Variants in TUBGCP2 observed in about 807,000 individuals in gnomAD.
TUBGCP2 encodes the protein gamma-tubulin complex component 2.
TUBGCP2 carries 55 observed loss-of-function variants against 92.2 expected under a neutral mutation model. That is an observed-to-expected ratio of 0.60 (90% CI 0.48 to 0.75). The LOEUF is 0.75. Among genes scored for constraint, TUBGCP2 ranks in the 30% least tolerant of loss-of-function variants. The pLI is 0.00. For synonymous variants in TUBGCP2, 533 were observed against 505.2 expected (o/e 1.06, Z -0.74); for missense variants, 1,093 against 1,188.9 (o/e 0.92, Z 1.19).
Position 133,285,210 on chromosome 10 carries a change from T to G in TUBGCP2, c.1899A>C (p.Lys633Asn). The G allele has an allele frequency of 6.2e-7, 1 of 1,612,278 alleles. No homozygotes were observed. Among genetic ancestry groups the G allele is most frequent in the Non-Finnish European group, 8.5e-7 (1 of 1,179,988 alleles). Residue 633 changes from lysine to asparagine, a missense_variant, in exon 13 of 18, where the codon AAA becomes AAC. Lys to Asn is a moderately conservative substitution (Grantham distance 94). Around this residue, in one of 3 missense-constraint regions of TUBGCP2, gnomAD observed 598 missense variants for 675.5 expected, o/e 0.89. Transcript: ENST00000252936. The surrounding 1 kb of genome is among the most constrained non-coding windows in gnomAD (Gnocchi z 6.8). ...KWPLSLIINR[K>N]ALTRYQMLFR... is the part of the protein sequence containing the mutation. ...AGAGCATCTGGTAGCGAGTGAGGGC[T>G]TTCCTGCAAGAGACGTGGCGGCACC...
At chr10:133,290,081 C>A in intron 8 of TUBGCP2, 112 bp from the exon 9 acceptor site, 1 of 1,420,612 alleles carries the variant, frequency 7.0e-7, no homozygotes, top group South Asian at 1.3e-5. Flanking sequence ...AGCACACTTC[C>A]AAGTAACGTT....
intron 11 of TUBGCP2, 38 bp downstream of exon 11, chr10:133,288,091 C>T (rs1363689404): frequency 6.3e-7 from 1 of 1,591,238 alleles, no homozygotes; most frequent in East Asian, 2.3e-5. Context: ...CCTCCGAGGC[C>T]TCTGCCACAG....
chr10:133,281,273 C>G lies in TUBGCP2; in HGVS notation c.2573G>C (p.Arg858Thr), dbSNP rs907921113. 1.5e-5 allele frequency: 24 copies of G among 1,610,256 alleles called. No individual in the cohort carries two copies. The highest frequency in any genetic ancestry group is 1.9e-5 in the Non-Finnish European group (23 of 1,179,764). The change falls in exon 17 of 18, where the codon AGG (arginine) becomes ACG (threonine). Residue 858 changes from arginine to threonine, a missense_variant and splice_region_variant. Arg to Thr is a moderately conservative substitution (Grantham distance 71). Around this residue, in one of 3 missense-constraint regions of TUBGCP2, gnomAD observed 598 missense variants for 675.5 expected, o/e 0.89. Transcript: ENST00000252936. ...CTGAGCCGGGGTGGCGCCCACCCAC[C>G]TGGAGATGACGCTGGCCATGCCGTG... ...CEHGMASVIS[R>T]LDFNGFYTER...
chr10:133,300,866 C>T (rs1197503381), intron 2 of TUBGCP2, among the ~76,000 whole-genome samples: 1 of 152,232 alleles, frequency 6.6e-6, no homozygotes, highest in African/African-American at 2.4e-5. Flanking sequence ...ACTGTATTCC[C>T]TTTTATGCTG....
At chr10:133,280,584 T>C (rs1226053441) in intron 17 of TUBGCP2, among the ~76,000 whole-genome samples, 1 of 152,042 alleles carries the variant, frequency 6.6e-6, no homozygotes, top group Non-Finnish European at 1.5e-5. Flanking sequence ...AGGGTGCCAA[T>C]GGGGCAGCCC....
upstream of TUBGCP2, among the ~76,000 whole-genome samples, chr10:133,311,225 G>A (rs768953645): frequency 1.3e-5 from 2 of 152,124 alleles, no homozygotes; most frequent in Non-Finnish European, 2.9e-5. Flanking sequence ...GTAGTAATTT[G>A]CTCTTTAAAA....
rs1180886895 is a variant in TUBGCP2 at position 133,285,405 on chromosome 10, C to T, written c.1895+51G>A. ...CCACCGCGTGGCACAGTTCTCGCTT[C>T]TGCCAAACCTGAGTGAAGATCTGGC... On this transcript the variant is annotated intron_variant, in intron 12 of 17. Coordinates refer to ENST00000252936, the MANE Select transcript of TUBGCP2 (RefSeq NM_006659.4). This position sits in a 1 kb window ranked among gnomAD's most constrained non-coding sequence, Gnocchi z 6.8. 6.2e-7 allele frequency: 1 copy of T among 1,611,360 alleles called. No homozygotes were observed. Among genetic ancestry groups the T allele is most frequent in the Admixed American group, 1.7e-5 (1 of 59,748 alleles).
intron 15 of TUBGCP2, among the ~76,000 whole-genome samples, chr10:133,282,661 G>C (rs1015754888): frequency 2.0e-5 from 3 of 152,304 alleles, no homozygotes; most frequent in East Asian, 3.9e-4. Context: ...GCACTGCCTG[G>C]AGAGCCTCAT....
rs545744119 is a variant in TUBGCP2 at position 133,302,786 on chromosome 10, G to A, written c.150+6C>T. On this transcript the variant is annotated splice_donor_region_variant and intron_variant, in intron 2 of 17. Coordinates refer to ENST00000252936, the MANE Select transcript of TUBGCP2 (RefSeq NM_006659.4). Reference sequence around the variant, plus strand: ...TGCACAGCGCTACACCAAGGGCAGTGCTCACCTTGGCACTGTGAGCAGAGA... The same window carrying A: ...TGCACAGCGCTACACCAAGGGCAGTACTCACCTTGGCACTGTGAGCAGAGA... 1 of 1,612,316 alleles carries A rather than the reference G, an allele frequency of 6.2e-7. No homozygotes were observed. Among genetic ancestry groups the A allele is most frequent in the African/African-American group, 1.3e-5 (1 of 74,988 alleles).
chr10:133,302,643 T>C (rs1589836499), intron 2 of TUBGCP2, 149 bp downstream of exon 2: 2 of 939,570 alleles, frequency 2.1e-6, no homozygotes, highest in Non-Finnish European at 3.1e-6. Context: ...CCCTGCACCC[T>C]CACCCAGGAA....
upstream of TUBGCP2, chr10:133,309,079 G>A (rs997242483): frequency 1.5e-6 from 2 of 1,304,752 alleles, no homozygotes; most frequent in Non-Finnish European, 2.0e-6. Context: ...CTTCCCGCGG[G>A]AGCACCAGTT....
intron 8 of TUBGCP2, chr10:133,290,264 GT>G (rs1847251407): frequency 3.1e-6 from 1 of 324,994 alleles, no homozygotes; most frequent in African/African-American, 2.1e-5. Context: ...GGAGGCTGAG[GT>G]GGGCAGATCA....
upstream of TUBGCP2, among the ~76,000 whole-genome samples, chr10:133,310,760 A>G (rs1418908110): frequency 6.6e-6 from 1 of 151,694 alleles, no homozygotes; most frequent in Non-Finnish European, 1.5e-5. Context: ...GTTGATTAAC[A>G]TGTTCCTGCC....
chr10:133,298,232 A>G lies in TUBGCP2; in HGVS notation c.457-121T>C, dbSNP rs1564771670. 1.0e-5 allele frequency: 11 copies of G among 1,088,414 alleles called. No homozygotes were observed. The East Asian group carries it at 2.6e-4, about 26-fold the overall frequency. 67.4% of individuals were successfully genotyped at this position (1,088,414 alleles called of 1,614,324 possible). ...GATGATTACTCAATTCAACACCCAC[A>G]AAGGGTCAACCACATAGAAATGAAA... On this transcript the variant is annotated intron_variant, in intron 4 of 17. Coordinates refer to ENST00000252936, the MANE Select transcript of TUBGCP2 (RefSeq NM_006659.4).
chr10:133,293,666 C>G lies in TUBGCP2; in HGVS notation c.720G>C (p.Gly240=). The change falls in exon 6 of 18, where the codon GGG becomes GGC. Residue 240 remains glycine, a synonymous_variant. Transcript: ENST00000252936. The part of the protein sequence containing the change: ...GRYVSAQPLA[G]RQSRTFLVDP... ...CCACGAGGAAGGTCCGGCTCTGCCT[C>G]CCAGCCAGGGGCTGAGCACTGACGT... 1 of 1,598,970 alleles carries G rather than the reference C, an allele frequency of 6.3e-7. No homozygotes were observed. Among genetic ancestry groups the G allele is most frequent in the South Asian group, 1.1e-5 (1 of 88,454 alleles).
Position 133,293,761 on chromosome 10 carries a change from G to C in TUBGCP2, c.625C>G (p.Pro209Ala). The C allele has an allele frequency of 6.3e-7, 1 of 1,588,046 alleles. No individual in the cohort carries two copies. The highest frequency in any genetic ancestry group is 8.6e-7 in the Non-Finnish European group (1 of 1,168,314). Reference protein sequence around the residue: ...TDTALPIGTLPLASQESAVVE... With the variant: ...TDTALPIGTLALASQESAVVE... ...ACGGCCGACTCCTGCGAGGCCAGGG[G>C]CAACGTGCCTGCGGGCACAGACAGC... Residue 209 changes from proline to alanine, a missense_variant, in exon 6 of 18, where the codon CCC (proline) becomes GCC (alanine). Physicochemically the swap from Pro to Ala is conservative, Grantham distance 27 (BLOSUM62 -1). Coordinates refer to ENST00000252936, the MANE Select transcript of TUBGCP2 (RefSeq NM_006659.4).
chr10:133,308,887 G>T (rs1469582832), upstream of TUBGCP2: 4 of 1,200,656 alleles, frequency 3.3e-6, no homozygotes, highest in East Asian at 1.1e-4. Flanking sequence ...GTGACGTCAC[G>T]TCCGGCTCGG....
intron 2 of TUBGCP2, chr10:133,302,339 G>A (rs147498769): frequency 1.9e-5 from 4 of 209,366 alleles, no homozygotes; most frequent in East Asian, 2.5e-4. Flanking sequence ...TCCTGACCCC[G>A]GGGTGGCGCT....
At position 133,288,953 on chromosome 10, in the gene TUBGCP2, G is replaced by C; in HGVS notation, c.1428C>G (p.Ile476Met). Residue 476 changes from isoleucine to methionine, a missense_variant, in exon 10 of 18, where the codon ATC (isoleucine) becomes ATG (methionine). Ile to Met is a conservative substitution (Grantham distance 10). Around this residue, in one of 3 missense-constraint regions of TUBGCP2, gnomAD observed 598 missense variants for 675.5 expected, o/e 0.89. Transcript: ENST00000252936. ...CATACGCCCGCTCTTTTAACGTGTAGATGATCTCTTTAGCCACCGGGCAGG... is the reference window on the plus strand; with the variant it reads ...CATACGCCCGCTCTTTTAACGTGTACATGATCTCTTTAGCCACCGGGCAGG... ...DVTCPVAKEI[I>M]YTLKERAYVE... 6.2e-7 allele frequency: 1 copy of C among 1,614,218 alleles called. No individual in the cohort carries two copies. Among genetic ancestry groups the C allele is most frequent in the Non-Finnish European group, 8.5e-7 (1 of 1,180,032 alleles).
Sources: gnomAD v4.1 joint callset for allele counts (sites outside exome capture counted in the v4.1 genomes callset) on GRCh38, gnomAD v4.1.1 for gene constraint, gnomAD v4.1.1 regional missense constraint, Gnocchi (gnomAD v3.1) non-coding constraint, MANE v1.5 for transcripts, NCBI Gene and HGNC (gene_info 2026-07-23, HGNC 2026-07-21) for gene names.